Variants in RYR3 observed in about 807,000 individuals in gnomAD.
The protein encoded by RYR3 is brain ryanodine receptor-calcium release channel.
Under a neutral mutation model 584.3 loss-of-function variants are expected in RYR3, and 207 were observed. The ratio of observed to expected loss-of-function variants is 0.35; its 90% confidence interval spans 0.32 to 0.40. The LOEUF is 0.40. Ranked by LOEUF, RYR3 falls within the 10% of genes least tolerant of loss-of-function variation. The pLI, the probability that RYR3 is intolerant of heterozygous loss-of-function variation, is 1.00. For missense variants in RYR3, 5,616 were observed against 6,089.2 expected (o/e 0.92, Z 2.59); for synonymous variants, 2,416 against 2,248.5 (o/e 1.07, Z -2.11).
At chr15:33,364,046 G>A (rs1289337106) in intron 1 of RYR3, among the ~76,000 whole-genome samples, 2 of 152,164 alleles carry the variant, frequency 1.3e-5, no homozygotes, top group Non-Finnish European at 2.9e-5. Flanking sequence ...GGTGTGCAGT[G>A]AGTGTGAAAG....
At chr15:33,585,302 CA>C (rs1203915288) in intron 15 of RYR3, among the ~76,000 whole-genome samples, 1 of 152,114 alleles carries the variant, frequency 6.6e-6, no homozygotes, top group Non-Finnish European at 1.5e-5. Flanking sequence ...GAGAAAAAAA[CA>C]GAATCAAAAG....
At chr15:33,865,053 C>A in intron 103 of RYR3, 78 bp from the exon 104 acceptor site, 1 of 1,093,892 alleles carries the variant, frequency 9.1e-7, no homozygotes, top group Non-Finnish European at 1.4e-6. Flanking sequence ...TAAAGGGAGC[C>A]ACAAAGAACA....
Position 33,327,603 on chromosome 15 carries a change from G to A in RYR3, c.51+16507G>A, listed in dbSNP as rs368254479. Reference sequence around the variant, plus strand: ...TACTGTTTTCTGAACTAAACAATCAGGTGCTTGATCATATTGTGCAAATTT... The same window carrying A: ...TACTGTTTTCTGAACTAAACAATCAAGTGCTTGATCATATTGTGCAAATTT... On this transcript the variant is annotated intron_variant, in intron 1 of 103. Coordinates refer to ENST00000634891, the MANE Select transcript of RYR3 (RefSeq NM_001036.6). 2.5e-4 allele frequency among the ~76,000 whole-genome samples: 38 copies of A among 152,266 alleles called. No individual in the cohort carries two copies. In the East Asian group the frequency reaches 2.9e-3, roughly 12 times the overall value.
intron 43 of RYR3, among the ~76,000 whole-genome samples, chr15:33,715,812 C>G (rs1173935109): frequency 6.6e-6 from 1 of 152,132 alleles, no homozygotes; most frequent in Admixed American, 6.5e-5. Context: ...ATTTTAAACC[C>G]TTTTATAAGG....
At chr15:33,710,228 G>A (rs142241497) in intron 43 of RYR3, among the ~76,000 whole-genome samples, 2 of 152,236 alleles carry the variant, frequency 1.3e-5, no homozygotes, top group East Asian at 3.9e-4. Context: ...AACTTCTGGT[G>A]AAGCCTCAGG....
chr15:33,348,568 C>A (rs575032391), intron 1 of RYR3, among the ~76,000 whole-genome samples: 4 of 152,038 alleles, frequency 2.6e-5, no homozygotes, highest in Admixed American at 1.3e-4. Context: ...CTTTGCCTCC[C>A]GGGTTCAAGC....
At chr15:33,603,415 G>T in intron 18 of RYR3, 51 bp downstream of exon 18, 1 of 1,495,910 alleles carries the variant, frequency 6.7e-7, no homozygotes, top group Non-Finnish European at 8.9e-7. Context: ...AAATGATGGA[G>T]GCTCAAATTA....
chr15:33,574,172 G>A (rs1253270462), intron 12 of RYR3, among the ~76,000 whole-genome samples: 4 of 152,264 alleles, frequency 2.6e-5, no homozygotes, highest in African/African-American at 9.6e-5. Flanking sequence ...CCTGTGTGGT[G>A]CATTTGCTGC....
At chr15:33,574,106 CCAAATATCA>C (rs1027921406) in intron 12 of RYR3, among the ~76,000 whole-genome samples, 1 of 152,028 alleles carries the variant, frequency 6.6e-6, no homozygotes, top group African/African-American at 2.4e-5. Context: ...TAGTGGCAAC[CCAAATATCA>C]CACTGATAAT....
At chr15:33,825,701 C>A (rs1322996339) in intron 82 of RYR3, 25 bp downstream of exon 82, 6 of 1,198,318 alleles carry the variant, frequency 5.0e-6, no homozygotes. Flanking sequence ...AATGTGAAGG[C>A]CATTCTCTTC....
chr15:33,801,808 C>T, intron 68 of RYR3, 61 bp from the exon 69 acceptor site: 1 of 876,898 alleles, frequency 1.1e-6, no homozygotes, highest in Admixed American at 2.3e-5. Flanking sequence ...AGCTTAGAAT[C>T]TTATTTTTGG....
At chr15:33,321,342 C>T (rs570733120) in intron 1 of RYR3, among the ~76,000 whole-genome samples, 2 of 152,352 alleles carry the variant, frequency 1.3e-5, no homozygotes, top group East Asian at 3.9e-4. Context: ...ACATACTTCA[C>T]TGCCCTCTCC....
chr15:33,828,682 T>G (rs1441752982), intron 85 of RYR3, among the ~76,000 whole-genome samples: 1 of 152,214 alleles, frequency 6.6e-6, no homozygotes, highest in Admixed American at 6.5e-5. Flanking sequence ...GTAAGGAAGC[T>G]GCCAAAGAAC....
At chr15:33,343,952 A>G (rs906870198) in intron 1 of RYR3, among the ~76,000 whole-genome samples, 5 of 152,232 alleles carry the variant, frequency 3.3e-5, no homozygotes, top group Non-Finnish European at 7.3e-5. Context: ...AAGGTTAAGA[A>G]GATTTTGAAA....
intron 65 of RYR3, among the ~76,000 whole-genome samples, chr15:33,783,197 C>A (rs1050259306): frequency 3.9e-5 from 6 of 152,186 alleles, no homozygotes; most frequent in African/African-American, 1.4e-4. Flanking sequence ...GTTTCTAATG[C>A]AGTAAGTCAG....
At chr15:33,747,086 C>T (rs1296271311) in intron 53 of RYR3, among the ~76,000 whole-genome samples, 1 of 152,116 alleles carries the variant, frequency 6.6e-6, no homozygotes, top group East Asian at 1.9e-4. Context: ...ACTGGAATTA[C>T]AGGTGTGAAC....
At position 33,797,695 on chromosome 15, in the gene RYR3, G is replaced by T. The variant is rs563653490; in HGVS notation, c.9831-3075G>T. On this transcript the variant is annotated intron_variant, in intron 67 of 103. Transcript: ENST00000634891. ...TCTCCCACCAAGAAACGTTACCCAA[G>T]ATTTTGTTCCTGATGCTCTTGCTAC... 4.6e-5 allele frequency among the ~76,000 whole-genome samples: 7 copies of T among 152,126 alleles called. No homozygotes were observed. In the East Asian group the frequency reaches 7.7e-4, roughly 17 times the overall value.
intron 86 of RYR3, among the ~76,000 whole-genome samples, chr15:33,834,490 T>A (rs375818143): frequency 2.8e-5 from 4 of 144,056 alleles, no homozygotes; most frequent in Non-Finnish European, 6.1e-5. Flanking sequence ...TTTTTTTTTT[T>A]AACTTAATTA....
At chr15:33,828,225 C>T (rs1452599899) in intron 85 of RYR3, among the ~76,000 whole-genome samples, 3 of 152,160 alleles carry the variant, frequency 2.0e-5, no homozygotes, top group Non-Finnish European at 4.4e-5. Flanking sequence ...CTCACCATTC[C>T]ACCAACTGTT....
Sources: allele counts gnomAD v4.1 joint callset (sites outside exome capture counted in the v4.1 genomes callset), GRCh38; gene constraint gnomAD v4.1.1; transcripts MANE v1.5; gene names NCBI Gene and HGNC (gene_info 2026-07-23, HGNC 2026-07-21).